The following ARHGEF16 variants were observed in gnomAD, a reference collection of about 807,000 sequenced individuals.
ARHGEF16 encodes the protein Rho guanine exchange factor (GEF) 16.
ARHGEF16 carries 59 observed loss-of-function variants against 74.1 expected under a neutral mutation model. That is an observed-to-expected ratio of 0.80 (90% CI 0.65 to 0.99). ARHGEF16 has a LOEUF of 0.99. Among genes scored for constraint, ARHGEF16 ranks in the 50% least tolerant of loss-of-function variants. ARHGEF16 has a pLI of 0.00. For missense variants in ARHGEF16, 948 were observed against 986.6 expected (o/e 0.96, Z 0.52); for synonymous variants, 415 against 412.6 (o/e 1.01, Z -0.07).
chr1:3,461,908 G>C (rs961629220), intron 1 of ARHGEF16, among the ~76,000 whole-genome samples: 3 of 152,196 alleles, frequency 2.0e-5, no homozygotes, highest in Admixed American at 6.5e-5. Flanking sequence ...ATGTCCCAAA[G>C]CCAGTCTCAG....
chr1:3,466,018 G>T (rs574277820), intron 2 of ARHGEF16, 130 bp from the exon 3 acceptor site: 1 of 1,006,590 alleles, frequency 9.9e-7, no homozygotes, highest in South Asian at 1.5e-5. Context: ...GAGGCCCTGT[G>T]GAGCTGACAT....
chr1:3,477,084 C>T (rs1009079581), intron 10 of ARHGEF16, among the ~76,000 whole-genome samples: 7 of 151,956 alleles, frequency 4.6e-5, no homozygotes, highest in Admixed American at 6.5e-5. Flanking sequence ...GGAGAACAGG[C>T]CCATCCAGGA....
intron 1 of ARHGEF16, among the ~76,000 whole-genome samples, chr1:3,455,518 A>G (rs1176322271): frequency 6.6e-6 from 1 of 152,072 alleles, no homozygotes; most frequent in East Asian, 1.9e-4. Context: ...AAATGGGAAC[A>G]GTATCCCTTT....
At position 3,463,136 on chromosome 1, in the gene ARHGEF16, C is replaced by T. The variant is rs942176075; in HGVS notation, c.52C>T (p.Arg18Cys). ...SSLEEKLLGHRFHSELRLDAG... is the reference protein window; with the variant it reads ...SSLEEKLLGHCFHSELRLDAG... The stretch of plus-strand genomic sequence containing the variant: ...CTTGGAGGAGAAGCTCCTGGGACAC[C>T]GCTTCCACTCGGAGCTCCGGCTCGA... The change falls in exon 2 of 15, where the codon CGC becomes TGC. Residue 18 changes from arginine to cysteine, a missense_variant. Coordinates refer to ENST00000378378, the MANE Select transcript of ARHGEF16 (RefSeq NM_014448.4). 3.0e-5 allele frequency: 44 copies of T among 1,484,362 alleles called. No individual in the cohort carries two copies. The Admixed American group carries it at 6.1e-4, about 21-fold the overall frequency. The allele number at this position is 1,484,362 out of a possible 1,614,324, so 91.9% of individuals were successfully genotyped here. A position where few individuals can be genotyped will look rare whatever the true frequency, so the allele number is the denominator to read the frequency against.
chr1:3,476,738 G>A (rs980593386), intron 10 of ARHGEF16, among the ~76,000 whole-genome samples: 2 of 152,116 alleles, frequency 1.3e-5, no homozygotes, highest in South Asian at 2.1e-4. Flanking sequence ...TGTCCTTCAG[G>A]GTGGAGCAAG....
At chr1:3,461,404 T>C (rs1178346043) in intron 1 of ARHGEF16, among the ~76,000 whole-genome samples, 1 of 152,222 alleles carries the variant, frequency 6.6e-6, no homozygotes, top group East Asian at 1.9e-4. Flanking sequence ...GCTCTTATCA[T>C]GCCCATTTTG....
chr1:3,478,397 T>A (rs1639954119), intron 11 of ARHGEF16, 27 bp from the exon 12 acceptor site: 1 of 1,567,824 alleles, frequency 6.4e-7, no homozygotes, highest in African/African-American at 1.3e-5. Flanking sequence ...GGTGGGACCG[T>A]CCCACCGACT....
chr1:3,470,639 CTG>C (rs1382640531), intron 6 of ARHGEF16, among the ~76,000 whole-genome samples: 33 of 108,992 alleles, frequency 3.0e-4, no homozygotes, highest in Admixed American at 1.8e-3. Flanking sequence ...GCAGGGATGT[CTG>C]TGTATCTGCG....
intron 9 of ARHGEF16, 115 bp downstream of exon 9, chr1:3,474,897 G>C (rs535740537): frequency 7.9e-6 from 7 of 890,216 alleles, no homozygotes; most frequent in South Asian, 7.6e-5. Flanking sequence ...CCAGGGCAGC[G>C]AGTGTTCTCA....
rs116388566 is a variant in ARHGEF16, at chr1:3,465,411, G to A, written c.589-737G>A. Among the ~76,000 whole-genome samples, 654 of 152,234 alleles carry A rather than the reference G, an allele frequency of 4.3e-3. 2 individuals are homozygous for A. Among genetic ancestry groups the A allele is most frequent in the African/African-American group, 0.015 (614 of 41,542 alleles). Reference sequence around the variant, plus strand: ...GGAGGAGAGGACGGAGTCGGGGTGGGGGAGGCAACAGCTCCAGCCAGACCT... The same window carrying A: ...GGAGGAGAGGACGGAGTCGGGGTGGAGGAGGCAACAGCTCCAGCCAGACCT... On this transcript the variant is annotated intron_variant, in intron 2 of 14. Coordinates refer to ENST00000378378, the MANE Select transcript of ARHGEF16 (RefSeq NM_014448.4).
chr1:3,478,284 G>A (rs1639950451), intron 11 of ARHGEF16, 140 bp from the exon 12 acceptor site: 5 of 1,019,656 alleles, frequency 4.9e-6, no homozygotes, highest in Non-Finnish European at 7.3e-6. Context: ...TCTGTTCTGT[G>A]GGACGCGGGA....
Position 3,478,004 on chromosome 1 carries a change from C to T in ARHGEF16, c.1603C>T (p.Leu535=), listed in dbSNP as rs930992311. The change falls in exon 11 of 15, where the codon CTG becomes TTG. Residue 535 remains leucine (L), a synonymous_variant. Coordinates refer to ENST00000378378, the MANE Select transcript of ARHGEF16 (RefSeq NM_014448.4). ...TCYLFLFNDV[L]VVTKKKSEES... The stretch of plus-strand genomic sequence containing the variant: ...CTACCTTTTCCTGTTCAACGATGTC[C>T]TGGTTGTGACCAAGAAGAAGAGGTG... 2 of 1,612,710 alleles carry T rather than the reference C, an allele frequency of 1.2e-6. No homozygotes were observed. Among genetic ancestry groups the T allele is most frequent in the Admixed American group, 3.3e-5 (2 of 60,026 alleles).
At chr1:3,473,318 C>T (rs1569868160) in intron 7 of ARHGEF16, 75 bp from the exon 8 acceptor site, 2 of 1,579,282 alleles carry the variant, frequency 1.3e-6, no homozygotes, top group East Asian at 2.2e-5. Context: ...CCCAGCCCAG[C>T]TTCTGCAGGT....
chr1:3,468,724 C>T (rs983444885), intron 4 of ARHGEF16, 156 bp from the exon 5 acceptor site: 22 of 767,442 alleles, frequency 2.9e-5, no homozygotes, highest in Middle Eastern at 2.4e-4. Context: ...GATAGGCCCT[C>T]GGCAGGACAG....
chr1:3,477,954 G>T lies in ARHGEF16; in HGVS notation c.1553G>T (p.Arg518Leu), dbSNP rs747219652. The T allele has an allele frequency of 6.2e-7, 1 of 1,612,592 alleles. No homozygotes were observed. The highest frequency in any genetic ancestry group is 1.7e-5 in the Admixed American group (1 of 60,018). ...TTAGTGGAAGAAACCGGACTTTTTCGAAAAATTGCCAGCCGGCCAACGTGC... is the reference window on the plus strand; with the variant it reads ...TTAGTGGAAGAAACCGGACTTTTTCTAAAAATTGCCAGCCGGCCAACGTGC... ...LFLVEETGLF[R>L]KIASRPTCYL... Residue 518 changes from arginine (R) to leucine (L), a missense_variant, in exon 11 of 15, where the codon CGA (arginine) becomes CTA (leucine). Physicochemically the swap from Arg to Leu is moderately radical, Grantham distance 102. Coordinates refer to ENST00000378378, the MANE Select transcript of ARHGEF16 (RefSeq NM_014448.4).
chr1:3,474,772 C>T lies in ARHGEF16; in HGVS notation c.1370C>T (p.Ala457Val). The T allele has an allele frequency of 6.2e-7, 1 of 1,612,890 alleles. No homozygotes were observed. Among genetic ancestry groups the T allele is most frequent in the South Asian group, 1.1e-5 (1 of 91,082 alleles). The change falls in exon 9 of 15, where the codon GCC (alanine) becomes GTC (valine). Residue 457 changes from alanine (A) to valine (V), a missense_variant. Transcript: ENST00000378378. The stretch of plus-strand genomic sequence containing the variant: ...AAGGCTGCCAGCCGTGCACTGAAGG[C>T]CATCAGCAAGGTAAGATGGGGCCTG... ...RYKAASRALK[A>V]ISKLVRQCNE...
At position 3,463,174 on chromosome 1, in the gene ARHGEF16, C is replaced by A. The variant is rs776410405; in HGVS notation, c.90C>A (p.Asn30Lys). The change falls in exon 2 of 15, where the codon AAC becomes AAA. Residue 30 changes from asparagine (N) to lysine (K), a missense_variant. By Grantham distance (94) the Asn-to-Lys change is moderately conservative. Coordinates refer to ENST00000378378, the MANE Select transcript of ARHGEF16 (RefSeq NM_014448.4). ...AGCTCCGGCTCGATGCCGGGGGGAA[C>A]CCAGCCTCCGGGCTCCCAATGGTCC... ...HSELRLDAGGNPASGLPMVRG... is the reference protein window; with the variant it reads ...HSELRLDAGGKPASGLPMVRG... 9 of 1,524,508 alleles carry A rather than the reference C, an allele frequency of 5.9e-6. No individual in the cohort carries two copies. In the South Asian group the frequency reaches 9.7e-5, roughly 16 times the overall value. 94.4% of individuals were successfully genotyped at this position (1,524,508 alleles called of 1,614,324 possible).
chr1:3,472,982 A>G (rs1639774245), intron 6 of ARHGEF16, 96 bp from the exon 7 acceptor site: 4 of 1,329,150 alleles, frequency 3.0e-6, no homozygotes, highest in African/African-American at 1.5e-5. Context: ...ACGTCCATGT[A>G]TGTGTGAGTG....
At position 3,471,269 on chromosome 1, in the gene ARHGEF16, G is replaced by A. The variant is rs116088997; in HGVS notation, c.1022+1676G>A. Among the ~76,000 whole-genome samples the A allele has an allele frequency of 2.7e-3, 406 of 152,104 alleles. 7 individuals carry two copies. The highest frequency in any genetic ancestry group is 9.3e-3 in the African/African-American group (385 of 41,482). On this transcript the variant is annotated intron_variant, in intron 6 of 14. Coordinates refer to ENST00000378378, the MANE Select transcript of ARHGEF16 (RefSeq NM_014448.4). ...GAGGGGCGGTGCCTCTGGTCCCCTC[G>A]TGGGCTTGGGTGGCGCTGGGAGATG...
Sources: gnomAD v4.1 joint callset for allele counts (sites outside exome capture counted in the v4.1 genomes callset) on GRCh38, gnomAD v4.1.1 for gene constraint, MANE v1.5 for transcripts, NCBI Gene and HGNC (gene_info 2026-07-23, HGNC 2026-07-21) for gene names.